The following C6 variants were observed in gnomAD, a reference collection of about 807,000 sequenced individuals.
C6 encodes the protein complement C6, also known as complement component C6.
Under a neutral mutation model 112.9 loss-of-function variants are expected in C6, and 101 were observed. The ratio of observed to expected loss-of-function variants is 0.89; its 90% CI spans 0.76 to 1.06. The LOEUF is 1.06. Ranked by LOEUF, C6 falls within the 50% of genes least tolerant of loss-of-function variation. The pLI is 0.00. For missense variants in C6, 1,202 were observed against 1,104.6 expected (o/e 1.09, Z -1.25); for synonymous variants, 431 against 384.1 (o/e 1.12, Z -1.43).
intron 1 of C6, among the ~76,000 whole-genome samples, chr5:41,247,430 C>T (rs977869681): frequency 1.3e-5 from 2 of 151,990 alleles, no homozygotes; most frequent in African/African-American, 2.4e-5. Flanking sequence ...ATCTAATTTA[C>T]AATAGCCACA....
At chr5:41,185,504 C>T (rs1029302580) in intron 6 of C6, among the ~76,000 whole-genome samples, 2 of 152,196 alleles carry the variant, frequency 1.3e-5, no homozygotes, top group African/African-American at 4.8e-5. Flanking sequence ...GGAGCACTTA[C>T]GTGTAAAGCA....
At position 41,196,571 on chromosome 5, in the gene C6, T is replaced by C. The variant is rs766734507; in HGVS notation, c.446-638A>G. ...TAGGATTGTTTACATGATTGCATAA[T>C]TTGTGAAAGCAAAATTGCACACTTA... On this transcript the variant is annotated intron_variant, in intron 4 of 17. Transcript: ENST00000337836. Among the ~76,000 whole-genome samples, 9 of 151,892 alleles carry C rather than the reference T, an allele frequency of 5.9e-5. No homozygotes were observed. The South Asian group carries it at 1.9e-3, about 31-fold the overall frequency.
intron 1 of C6, among the ~76,000 whole-genome samples, chr5:41,246,641 A>G (rs1462094441): frequency 6.6e-6 from 1 of 152,206 alleles, no homozygotes; most frequent in African/African-American, 2.4e-5. Flanking sequence ...TGGGCCCATA[A>G]ACCAGTCCAG....
chr5:41,165,288 C>T (rs889530076), intron 9 of C6, among the ~76,000 whole-genome samples: 7 of 152,180 alleles, frequency 4.6e-5, no homozygotes, highest in African/African-American at 1.7e-4. Flanking sequence ...TGGCGCATAT[C>T]TATTAGTAGA....
chr5:41,158,404 A>G lies in C6; in HGVS notation c.1968+270T>C, dbSNP rs189706582. 1.4e-4 allele frequency among the ~76,000 whole-genome samples: 22 copies of G among 152,288 alleles called. 2 individuals carry two copies. In the East Asian group the frequency reaches 1.5e-3, roughly 11 times the overall value. ...CAGATCTTACTTGCAAATTCTCACA[A>G]GTCATACAATCCTATATTATACTGA... On this transcript the variant is annotated intron_variant, in intron 13 of 17. Transcript: ENST00000337836.
chr5:41,160,311 G>T lies in C6; in HGVS notation c.1515C>A (p.Asn505Lys), dbSNP rs375299238. 19 of 1,613,730 alleles carry T rather than the reference G, an allele frequency of 1.2e-5. No individual in the cohort carries two copies. In the African/African-American group the frequency reaches 2.5e-4, roughly 22 times the overall value. ...ACTCTTGCAAAGCTTTCCTGAGGTT[G>T]TTCCGTTTTGTCACTGCACAGGGGA... Reference protein sequence around the residue: ...RNIPCAVTKRNNLRKALQEYA... With the variant: ...RNIPCAVTKRKNLRKALQEYA... Residue 505 changes from asparagine to lysine, a missense_variant, in exon 11 of 18, where the codon AAC becomes AAA. Transcript: ENST00000337836.
chr5:41,257,024 TA>T (rs1741758182), intron 1 of C6, among the ~76,000 whole-genome samples: 1 of 152,172 alleles, frequency 6.6e-6, no homozygotes, highest in African/African-American at 2.4e-5. Context: ...TTTATTTATT[TA>T]TTATTTTTCA....
chr5:41,232,655 TA>T (rs1201021291), intron 1 of C6, among the ~76,000 whole-genome samples: 3 of 151,948 alleles, frequency 2.0e-5, no homozygotes, highest in Non-Finnish European at 2.9e-5. Flanking sequence ...TACAGAAAAG[TA>T]AAAAAAATTT....
chr5:41,176,782 A>ATT, intron 7 of C6, 67 bp from the exon 8 acceptor site: 1 of 1,395,732 alleles, frequency 7.2e-7, no homozygotes, highest in East Asian at 2.4e-5. Flanking sequence ...TAGCATTTAA[A>ATT]TGTCATTGAT....
At chr5:41,200,344 A>G (rs1385875112) in intron 3 of C6, among the ~76,000 whole-genome samples, 5 of 152,206 alleles carry the variant, frequency 3.3e-5, no homozygotes, top group African/African-American at 1.2e-4. Flanking sequence ...GTGAAAACCA[A>G]TGCGAATGTA....
At chr5:41,259,054 A>G (rs1457067499) in intron 1 of C6, among the ~76,000 whole-genome samples, 3 of 152,230 alleles carry the variant, frequency 2.0e-5, no homozygotes, top group Non-Finnish European at 4.4e-5. Flanking sequence ...ATGGGTTTTA[A>G]GTTCACTAAT....
chr5:41,229,579 T>A (rs1739755241), intron 1 of C6, among the ~76,000 whole-genome samples: 1 of 152,068 alleles, frequency 6.6e-6, no homozygotes, highest in South Asian at 2.1e-4. Context: ...TGGTAAGACT[T>A]TTTTTTGTGG....
chr5:41,241,804 G>T (rs1204044556), intron 1 of C6, among the ~76,000 whole-genome samples: 2 of 152,162 alleles, frequency 1.3e-5, no homozygotes, highest in East Asian at 3.8e-4. Context: ...GTTCAATATG[G>T]ATATTGTTTG....
At chr5:41,230,365 A>C (rs1332902364) in intron 1 of C6, among the ~76,000 whole-genome samples, 1 of 152,108 alleles carries the variant, frequency 6.6e-6, no homozygotes, top group Non-Finnish European at 1.5e-5. Context: ...AATATTAATA[A>C]TTAATACCCT....
At chr5:41,214,959 A>G (rs1029105831), upstream of C6, among the ~76,000 whole-genome samples, 6 of 152,114 alleles carry the variant, frequency 3.9e-5, no homozygotes, top group Non-Finnish European at 7.4e-5. Flanking sequence ...TTGAGATGGA[A>G]TGCGAATGTC....
chr5:41,159,060 C>G (rs766300783), intron 12 of C6, 22 bp downstream of exon 12: 6 of 1,613,128 alleles, frequency 3.7e-6, no homozygotes, highest in Non-Finnish European at 5.1e-6. Context: ...ATGACCCATT[C>G]TTTTCCCTTA....
chr5:41,172,318 C>A lies in C6; in HGVS notation c.1198G>T (p.Val400Phe). 1 of 1,613,550 alleles carries A rather than the reference C, an allele frequency of 6.2e-7. No homozygotes were observed. The highest frequency in any genetic ancestry group is 1.3e-5 in the African/African-American group (1 of 75,000). Residue 400 changes from valine (V) to phenylalanine (F), a missense_variant, in exon 9 of 18, where the codon GTC becomes TTC. Physicochemically the swap from Val to Phe is conservative, Grantham distance 50. Coordinates refer to ENST00000337836, the MANE Select transcript of C6 (RefSeq NM_000065.5). ...ACGCGTTTCTTTGTTTCAATCCTGACACAGTGTTTGGCTTCTTCCTCGGTT... is the reference window on the plus strand; with the variant it reads ...ACGCGTTTCTTTGTTTCAATCCTGAAACAGTGTTTGGCTTCTTCCTCGGTT... ...GLTEEEAKHC[V>F]RIETKKRVLF... is the part of the protein sequence containing the mutation.
At chr5:41,242,037 A>G (rs752351430) in intron 1 of C6, among the ~76,000 whole-genome samples, 9 of 152,214 alleles carry the variant, frequency 5.9e-5, no homozygotes, top group African/African-American at 9.6e-5. Flanking sequence ...AATAATATTA[A>G]TTGAAAAGTT....
At chr5:41,236,255 T>A (rs1235124854) in intron 1 of C6, among the ~76,000 whole-genome samples, 7 of 102,354 alleles carry the variant, frequency 6.8e-5, no homozygotes, top group Non-Finnish European at 1.2e-4. Flanking sequence ...GATTTTTGTA[T>A]AAGGTGTAAG....
Sources: allele counts gnomAD v4.1 joint callset (sites outside exome capture counted in the v4.1 genomes callset), GRCh38; gene constraint gnomAD v4.1.1; transcripts MANE v1.5; gene names NCBI Gene and HGNC (gene_info 2026-07-23, HGNC 2026-07-21).